The following NAALADL2 variants were observed in gnomAD, a reference collection of about 807,000 sequenced individuals.
The protein encoded by NAALADL2 is inactive N-acetylated-alpha-linked acidic dipeptidase-like protein 2.
In NAALADL2, 76 loss-of-function variants were observed where a neutral mutation model predicts 87.2. The observed-to-expected ratio is 0.87, with a 90% CI of 0.72 to 1.05. The LOEUF (loss-of-function observed/expected upper bound fraction) is 1.05. Ranked by LOEUF, NAALADL2 falls within the 50% of genes least tolerant of loss-of-function variation. The pLI is 0.00. For missense variants in NAALADL2, 1,089 were observed against 945.8 expected (o/e 1.15, Z -1.99); for synonymous variants, 354 against 331.0 (o/e 1.07, Z -0.75).
intron 2 of NAALADL2, among the ~76,000 whole-genome samples, chr3:174,579,470 G>C (rs566441147): frequency 1.2e-4 from 18 of 151,968 alleles, no homozygotes; most frequent in Non-Finnish European, 2.2e-4. Context: ...AGTATATATT[G>C]TCTACTTCCA....
At chr3:174,835,025 CTT>C (rs200881684) in intron 3 of NAALADL2, among the ~76,000 whole-genome samples, 2,426 of 151,560 alleles carry the variant, frequency 0.016, 66 homozygotes, top group African/African-American at 0.056. Flanking sequence ...AATTTGGAAA[CTT>C]ACACTTTCTA....
chr3:175,070,131 G>A (rs1383432159), intron 1 of NAALADL2, among the ~76,000 whole-genome samples: 4 of 150,500 alleles, frequency 2.7e-5, no homozygotes, highest in African/African-American at 9.8e-5. Flanking sequence ...CCTGCACATT[G>A]TGCACATGTA....
chr3:175,778,521 A>C (rs1384187277), intron 13 of NAALADL2, among the ~76,000 whole-genome samples: 1 of 152,212 alleles, frequency 6.6e-6, no homozygotes, highest in African/African-American at 2.4e-5. Flanking sequence ...ACTAAGGACA[A>C]AGTCAGTTGA....
At chr3:175,147,609 A>G (rs141500899) in intron 2 of NAALADL2, among the ~76,000 whole-genome samples, 1 of 152,126 alleles carries the variant, frequency 6.6e-6, no homozygotes, top group East Asian at 1.9e-4. Context: ...TATATACTCA[A>G]TAATGGGATT....
chr3:174,908,006 G>T (rs1002107633), intron 1 of NAALADL2, among the ~76,000 whole-genome samples: 1 of 138,894 alleles, frequency 7.2e-6, no homozygotes, highest in East Asian at 2.1e-4. Context: ...ATCTCTTTTC[G>T]AAAGAGAGAA....
chr3:175,047,669 A>C (rs1754850134), intron 1 of NAALADL2, among the ~76,000 whole-genome samples: 1 of 152,220 alleles, frequency 6.6e-6, no homozygotes, highest in Non-Finnish European at 1.5e-5. Flanking sequence ...ATGAAATTTT[A>C]CTAGACTCAT....
chr3:175,276,289 C>T (rs1753579585), intron 4 of NAALADL2, among the ~76,000 whole-genome samples: 1 of 149,412 alleles, frequency 6.7e-6, no homozygotes, highest in Non-Finnish European at 1.5e-5. Context: ...GTTTTTGTCG[C>T]TTTGCAAATT....
At chr3:174,580,258 G>GT (rs1403191192) in intron 2 of NAALADL2, among the ~76,000 whole-genome samples, 4 of 151,972 alleles carry the variant, frequency 2.6e-5, no homozygotes, top group South Asian at 2.1e-4. Flanking sequence ...ACATTTGTAC[G>GT]TTTTTTCATG....
At chr3:175,490,059 C>T (rs1161796890) in intron 9 of NAALADL2, among the ~76,000 whole-genome samples, 1 of 152,152 alleles carries the variant, frequency 6.6e-6, no homozygotes, top group Non-Finnish European at 1.5e-5. Flanking sequence ...CGCGGCCCAT[C>T]TCTCTGTCAA....
At chr3:175,320,819 G>A (rs1759758637) in intron 4 of NAALADL2, among the ~76,000 whole-genome samples, 1 of 151,464 alleles carries the variant, frequency 6.6e-6, no homozygotes, top group Admixed American at 6.6e-5. Flanking sequence ...ACCAATAACA[G>A]GAGCTGAAAT....
intron 3 of NAALADL2, among the ~76,000 whole-genome samples, chr3:174,801,037 A>T (rs1718771294): frequency 6.6e-6 from 1 of 152,174 alleles, no homozygotes; most frequent in Non-Finnish European, 1.5e-5. Context: ...GGTGGAAAGG[A>T]CTTGTCTTGT....
At chr3:175,749,374 A>C (rs188545833) in intron 12 of NAALADL2, among the ~76,000 whole-genome samples, 2 of 152,302 alleles carry the variant, frequency 1.3e-5, no homozygotes, top group Admixed American at 6.5e-5. Flanking sequence ...CAGAATACCC[A>C]AAACTGGGTA....
intron 3 of NAALADL2, among the ~76,000 whole-genome samples, chr3:175,241,510 T>G (rs1043480655): frequency 6.6e-5 from 10 of 152,090 alleles, no homozygotes; most frequent in African/African-American, 2.4e-4. Flanking sequence ...TGTGAGCCAC[T>G]GTACTCAGCC....
chr3:175,061,992 C>A (rs1316551501), intron 1 of NAALADL2, among the ~76,000 whole-genome samples: 1 of 151,828 alleles, frequency 6.6e-6, no homozygotes, highest in African/African-American at 2.4e-5. Flanking sequence ...CAAGGGAAGC[C>A]CAGAAGTTTC....
intron 1 of NAALADL2, among the ~76,000 whole-genome samples, chr3:175,013,297 A>ATTTTTTTTTTTT (rs1293274493): frequency 1.3e-5 from 1 of 77,566 alleles, no homozygotes; most frequent in African/African-American, 7.4e-5. Flanking sequence ...ATATATATAT[A>ATTTTTTTTTTTT]TATATTTTTT....
chr3:174,776,242 T>A (rs1457658556), intron 3 of NAALADL2, among the ~76,000 whole-genome samples: 1 of 152,050 alleles, frequency 6.6e-6, no homozygotes. Context: ...CTCTAAGAAG[T>A]TCTGTAGGAT....
chr3:175,387,947 A>T (rs1768603099), intron 5 of NAALADL2, among the ~76,000 whole-genome samples: 1 of 152,088 alleles, frequency 6.6e-6, no homozygotes, highest in Non-Finnish European at 1.5e-5. Flanking sequence ...ATTGACAGTT[A>T]ATATTGTAGC....
At chr3:174,825,581 GT>G (rs1721887762) in intron 3 of NAALADL2, among the ~76,000 whole-genome samples, 2 of 152,180 alleles carry the variant, frequency 1.3e-5, no homozygotes, top group African/African-American at 4.8e-5. Context: ...TAGAAATAAT[GT>G]TTTGCCAGCT....
chr3:175,219,125 A>G (rs545982421), intron 2 of NAALADL2, among the ~76,000 whole-genome samples: 262 of 152,228 alleles, frequency 1.7e-3, no homozygotes, highest in African/African-American at 6.1e-3. Flanking sequence ...ATACATATAT[A>G]TGCATTTTTG....
Sources: gnomAD v4.1 joint callset for allele counts (sites outside exome capture counted in the v4.1 genomes callset) on GRCh38, gnomAD v4.1.1 for gene constraint, MANE v1.5 for transcripts, NCBI Gene and HGNC (gene_info 2026-07-23, HGNC 2026-07-21) for gene names.